CTIF: variants seen among roughly 807,000 people sequenced by gnomAD.
The protein encoded by CTIF is cap binding complex dependent translation initiation factor.
A neutral mutation model predicts 66.0 loss-of-function variants in CTIF; 21 were observed. The observed-to-expected ratio is 0.32, with a 90% CI of 0.23 to 0.46. The LOEUF (loss-of-function observed/expected upper bound fraction) is 0.46, where lower values mean the gene tolerates loss of function less well. Ranked by LOEUF, CTIF falls within the 20% of genes least tolerant of loss-of-function variation. The pLI is 1.00. For missense variants in CTIF, 739 were observed against 812.7 expected (o/e 0.91, Z 1.10); for synonymous variants, 345 against 326.4 (o/e 1.06, Z -0.62).
chr18:48,705,163 C>G (rs2092135768), intron 6 of CTIF, among the ~76,000 whole-genome samples: 2 of 152,198 alleles, frequency 1.3e-5, no homozygotes, highest in African/African-American at 4.8e-5. Context: ...TGACCCATTG[C>G]TGACGGCAAC....
intron 10 of CTIF, among the ~76,000 whole-genome samples, chr18:48,854,151 A>G (rs1324965965): frequency 2.0e-5 from 3 of 152,186 alleles, no homozygotes; most frequent in Non-Finnish European, 4.4e-5. Context: ...CCTGACTTCA[A>G]GAAGCCGACA....
chr18:48,819,440 C>T (rs536282876), intron 10 of CTIF, among the ~76,000 whole-genome samples: 6 of 152,230 alleles, frequency 3.9e-5, no homozygotes, highest in Non-Finnish European at 7.3e-5. Flanking sequence ...GTTCCCTCTG[C>T]GTGATCTGGA....
Position 48,859,899 on chromosome 18 carries a change from T to C in CTIF, c.*340T>C, listed in dbSNP as rs1212827357. The C allele has an allele frequency of 1.9e-6, 1 of 520,836 alleles. No homozygotes were observed. Among genetic ancestry groups the C allele is most frequent in the Non-Finnish European group, 3.7e-6 (1 of 269,008 alleles). The allele number at this position is 520,836 out of a possible 1,614,324, so 32.3% of individuals were successfully genotyped here. A position where few individuals can be genotyped will look rare whatever the true frequency, so the allele number is the denominator to read the frequency against. ...AGCTTTGTGTGAGGGATCTCATCGC[T>C]GTGACTCCTCGGAGACCTTGGCAGC... is the stretch of plus-strand genomic sequence containing the variant. On this transcript the variant is annotated 3_prime_UTR_variant, in exon 12 of 12. Transcript: ENST00000256413.
intron 1 of CTIF, among the ~76,000 whole-genome samples, chr18:48,573,980 C>A (rs1361302350): frequency 6.6e-6 from 1 of 152,238 alleles, no homozygotes; most frequent in Non-Finnish European, 1.5e-5. Context: ...CAGTGCTTGG[C>A]CATACAGGTC....
chr18:48,639,191 C>T (rs1226097032), intron 3 of CTIF, among the ~76,000 whole-genome samples: 1 of 152,200 alleles, frequency 6.6e-6, no homozygotes, highest in Non-Finnish European at 1.5e-5. Context: ...CTGAGTCTGG[C>T]GTGGGATGCA....
At chr18:48,648,220 A>G (rs566345617) in intron 3 of CTIF, among the ~76,000 whole-genome samples, 1 of 152,236 alleles carries the variant, frequency 6.6e-6, no homozygotes, top group East Asian at 1.9e-4. Context: ...ATTGTCTCCT[A>G]TCTCTCTCTG....
At chr18:48,692,147 T>A (rs895799317) in intron 6 of CTIF, among the ~76,000 whole-genome samples, 6 of 152,150 alleles carry the variant, frequency 3.9e-5, no homozygotes, top group African/African-American at 1.4e-4. Flanking sequence ...CCTGAGCTTG[T>A]TAATTGTCTC....
In CTIF at chr18:48,859,717, G is replaced by C; in HGVS notation, c.*158G>C. ...CCAGTCTGGAGCCAGACGGGGAAGG[G>C]AGCAAATCCCTGAGAGGAGTGCCCC... is the stretch of plus-strand genomic sequence containing the variant. On this transcript the variant is annotated 3_prime_UTR_variant, in exon 12 of 12. Transcript: ENST00000256413. 1.4e-6 allele frequency: 1 copy of C among 726,716 alleles called. No homozygotes were observed. Among genetic ancestry groups the C allele is most frequent in the Non-Finnish European group, 2.4e-6 (1 of 409,468 alleles). 45.0% of individuals were successfully genotyped at this position (726,716 alleles called of 1,614,324 possible). A position where few individuals can be genotyped will look rare whatever the true frequency, so the allele number is the denominator to read the frequency against.
intron 9 of CTIF, among the ~76,000 whole-genome samples, chr18:48,800,726 G>T (rs1049761442): frequency 6.6e-6 from 1 of 152,216 alleles, no homozygotes; most frequent in Non-Finnish European, 1.5e-5. Context: ...TCTGGGTGGG[G>T]AACGTGAGAC....
At chr18:48,649,615 G>A (rs1277175518) in intron 3 of CTIF, among the ~76,000 whole-genome samples, 6 of 152,208 alleles carry the variant, frequency 3.9e-5, no homozygotes, top group African/African-American at 1.4e-4. Context: ...TCCCAGCATG[G>A]TGTTTGAGCT....
At chr18:48,857,374 C>T (rs554892091) in intron 10 of CTIF, among the ~76,000 whole-genome samples, 22 of 152,370 alleles carry the variant, frequency 1.4e-4, no homozygotes, top group African/African-American at 5.0e-4. Flanking sequence ...CCTCCAGCTG[C>T]TCTAACCCTG....
intron 6 of CTIF, among the ~76,000 whole-genome samples, chr18:48,704,959 A>G (rs2092132988): frequency 6.6e-6 from 1 of 152,200 alleles, no homozygotes; most frequent in Non-Finnish European, 1.5e-5. Flanking sequence ...GGGTAGAGAC[A>G]ACAACTTTTA....
Position 48,761,689 on chromosome 18 carries a change from G to T in CTIF, c.1371G>T (p.Gln457His). The T allele has an allele frequency of 6.2e-7, 1 of 1,605,030 alleles. No individual in the cohort carries two copies. ...GGAGCCTGCTCCTCAACATGCTGCAGGTAACTGGACGCCGGCCACCACCGC... is the reference window on the plus strand; with the variant it reads ...GGAGCCTGCTCCTCAACATGCTGCATGTAACTGGACGCCGGCCACCACCGC... ...KFRSLLLNML[Q>H]KDFTVREELQ... The change falls in exon 9 of 12, where the codon CAG (glutamine) becomes CAT (histidine). Residue 457 changes from glutamine to histidine, a missense_variant and splice_region_variant. Gln to His is a conservative substitution (Grantham distance 24, BLOSUM62 0). Transcript: ENST00000256413. The surrounding 1 kb of genome is among the most constrained non-coding windows in gnomAD (Gnocchi z 4.2).
At chr18:48,713,544 A>G (rs1218279712) in intron 7 of CTIF, among the ~76,000 whole-genome samples, 1 of 152,022 alleles carries the variant, frequency 6.6e-6, no homozygotes, top group East Asian at 1.9e-4. Flanking sequence ...ACATTCACCA[A>G]TGTCCGGGTT....
At position 48,766,521 on chromosome 18, in the gene CTIF, C is replaced by G. The variant is rs935665604; in HGVS notation, c.1371+4832C>G. 1.2e-4 allele frequency among the ~76,000 whole-genome samples: 19 copies of G among 152,346 alleles called. 1 individual carries two copies. Among genetic ancestry groups the G allele is most frequent in the Admixed American group, 9.8e-4 (15 of 15,310 alleles). On this transcript the variant is annotated intron_variant, in intron 9 of 11. Transcript: ENST00000256413. Reference sequence around the variant, plus strand: ...ATGAGAATCATGAGAACACAGCAGGCAGGGGGCCTACCCCTAATCAGTTGA... The same window carrying G: ...ATGAGAATCATGAGAACACAGCAGGGAGGGGGCCTACCCCTAATCAGTTGA...
chr18:48,560,587 T>C (rs762314290), intron 1 of CTIF, among the ~76,000 whole-genome samples: 5 of 151,992 alleles, frequency 3.3e-5, no homozygotes, highest in Admixed American at 1.3e-4. Context: ...TTCTTTTTCT[T>C]TGAGACAGAA....
intron 3 of CTIF, among the ~76,000 whole-genome samples, chr18:48,652,866 A>T (rs2091181551): frequency 6.6e-6 from 1 of 152,222 alleles, no homozygotes; most frequent in Non-Finnish European, 1.5e-5. Context: ...AAACAAAACC[A>T]ACGACAAAAA....
At chr18:48,575,311 A>T (rs2089506611) in intron 1 of CTIF, among the ~76,000 whole-genome samples, 1 of 152,236 alleles carries the variant, frequency 6.6e-6, no homozygotes, top group African/African-American at 2.4e-5. Context: ...TTCTATGGCA[A>T]CACGGCCGAG....
At chr18:48,660,909 A>T (rs747852260) in intron 3 of CTIF, among the ~76,000 whole-genome samples, 1 of 152,088 alleles carries the variant, frequency 6.6e-6, no homozygotes, top group Non-Finnish European at 1.5e-5. Flanking sequence ...CTCTCTTTCT[A>T]TCTCTCCATC....
Sources: allele counts gnomAD v4.1 joint callset (sites outside exome capture counted in the v4.1 genomes callset), GRCh38; gene constraint gnomAD v4.1.1; non-coding constraint Gnocchi (gnomAD v3.1); transcripts MANE v1.5; gene names NCBI Gene and HGNC (gene_info 2026-07-23, HGNC 2026-07-21).